MRPS6: variants seen among roughly 807,000 people sequenced by gnomAD.
The protein encoded by MRPS6 is small ribosomal subunit protein bS6m.
A neutral mutation model predicts 13.1 loss-of-function variants in MRPS6; 6 were observed. That is an observed-to-expected ratio of 0.46 (90% CI 0.25 to 0.91). The LOEUF (loss-of-function observed/expected upper bound fraction) is 0.91, where lower values mean the gene tolerates loss of function less well. Among genes scored for constraint, MRPS6 ranks in the 40% least tolerant of loss-of-function variants. MRPS6 has a pLI of 0.18. For synonymous variants in MRPS6, 61 were observed against 56.5 expected (o/e 1.08, Z -0.36); for missense variants, 164 against 155.6 (o/e 1.05, Z -0.29).
At position 34,142,971 on chromosome 21, in the gene MRPS6, T is replaced by G. The variant is rs368496956; in HGVS notation, c.*371T>G. On this transcript the variant is annotated 3_prime_UTR_variant, in exon 3 of 3. Transcript: ENST00000399312. ...TGTGTAACCATGTGGAAATAAAAAT[T>G]GACGACCAATGTATTATATGGACAA... 6.1e-6 allele frequency: 1 copy of G among 164,604 alleles called. No homozygotes were observed. The highest frequency in any genetic ancestry group is 1.3e-5 in the Non-Finnish European group (1 of 76,654). The allele number at this position is 164,604 out of a possible 1,614,324, so 10.2% of individuals were successfully genotyped here.
intron 1 of MRPS6, among the ~76,000 whole-genome samples, chr21:34,113,213 G>A (rs1278508331): frequency 6.6e-6 from 1 of 152,160 alleles, no homozygotes; most frequent in Non-Finnish European, 1.5e-5. Context: ...ATGACCATAT[G>A]ATCCAGCAGT....
intron 1 of MRPS6, chr21:34,101,817 T>A (rs1410286445): frequency 1.0e-6 from 1 of 998,802 alleles, no homozygotes; most frequent in Admixed American, 6.2e-5. Context: ...TCTCACACTT[T>A]GTGTTGGCTA....
chr21:34,086,402 C>A (rs548746783), intron 1 of MRPS6, among the ~76,000 whole-genome samples: 2 of 152,256 alleles, frequency 1.3e-5, no homozygotes, highest in South Asian at 4.1e-4. Context: ...TCCCTGTACT[C>A]ATAGCCTGGG....
chr21:34,130,548 T>C (rs910170741), intron 2 of MRPS6, among the ~76,000 whole-genome samples: 2 of 152,294 alleles, frequency 1.3e-5, no homozygotes, highest in Non-Finnish European at 2.9e-5. Flanking sequence ...GCCATTTCTC[T>C]GAGTGTTTTC....
At position 34,107,324 on chromosome 21, in the gene MRPS6, A is replaced by T. The variant is rs1234068111; in HGVS notation, c.46-18017A>T. Among the ~76,000 whole-genome samples, 37 of 152,128 alleles carry T rather than the reference A, an allele frequency of 2.4e-4. 1 individual carries two copies. Among genetic ancestry groups the T allele is most frequent in the Admixed American group, 2.4e-3 (37 of 15,268 alleles). The stretch of plus-strand genomic sequence containing the variant: ...TCTGTTCCCTCATGATTAGATTCAC[A>T]CTATGCATTTTTGGCAGAAATACAA... On this transcript the variant is annotated intron_variant, in intron 1 of 2. Coordinates refer to ENST00000399312, the MANE Select transcript of MRPS6 (RefSeq NM_032476.4).
At chr21:34,074,394 G>C (rs1989272112) in intron 1 of MRPS6, among the ~76,000 whole-genome samples, 1 of 152,226 alleles carries the variant, frequency 6.6e-6, no homozygotes, top group South Asian at 2.1e-4. Context: ...GGTGCCCTTA[G>C]CCCAGTTTCA....
chr21:34,104,240 A>C (rs1979375746), intron 1 of MRPS6: 1 of 1,000,064 alleles, frequency 1.0e-6, no homozygotes, highest in Non-Finnish European at 1.2e-6. Context: ...TTTGCTTTTC[A>C]CAATGGGGTG....
chr21:34,077,564 A>G (rs557772542), intron 1 of MRPS6, among the ~76,000 whole-genome samples: 1 of 152,340 alleles, frequency 6.6e-6, no homozygotes, highest in East Asian at 1.9e-4. Context: ...GTACAATAAG[A>G]TAGCATTTAT....
Position 34,101,901 on chromosome 21 carries a change from G to T in MRPS6, c.46-23440G>T, listed in dbSNP as rs1305874916. ...GGAGAGAGCAGTAGTGATCATTTAT[G>T]TGAGCCCCTTTGAAATGATGGTGTC... On this transcript the variant is annotated intron_variant, in intron 1 of 2. Transcript: ENST00000399312. 3.0e-6 allele frequency: 3 copies of T among 1,000,050 alleles called. No individual in the cohort carries two copies. The African/African-American group carries it at 5.2e-5, about 17-fold the overall frequency. The allele number at this position is 1,000,050 out of a possible 1,614,324, so 61.9% of individuals were successfully genotyped here.
intron 1 of MRPS6, among the ~76,000 whole-genome samples, chr21:34,118,368 T>C (rs1045838438): frequency 7.2e-5 from 11 of 152,154 alleles, no homozygotes; most frequent in Non-Finnish European, 1.3e-4. Context: ...GTTGTGACTC[T>C]TCAAAAATTT....
intron 1 of MRPS6, among the ~76,000 whole-genome samples, chr21:34,074,240 G>T (rs1989266673): frequency 6.6e-6 from 1 of 151,532 alleles, no homozygotes; most frequent in African/African-American, 2.4e-5. Context: ...CCCGCCGGCC[G>T]CCCGGAACGT....
intron 1 of MRPS6, among the ~76,000 whole-genome samples, chr21:34,081,687 G>A (rs1488499900): frequency 6.6e-6 from 1 of 152,128 alleles, no homozygotes; most frequent in East Asian, 1.9e-4. Flanking sequence ...ATTTGGGAGG[G>A]TATTTGAAGA....
At chr21:34,097,132 A>G (rs780532702) in intron 1 of MRPS6, 15 of 1,613,990 alleles carry the variant, frequency 9.3e-6, no homozygotes, top group Non-Finnish European at 1.3e-5. Context: ...AAAGAGAGAA[A>G]GAAAGAAACG....
intron 1 of MRPS6, chr21:34,106,195 G>A: frequency 1.0e-6 from 1 of 978,270 alleles, no homozygotes; most frequent in Non-Finnish European, 1.2e-6. Flanking sequence ...TGTAACTGAA[G>A]TATAGTAATT....
chr21:34,075,204 T>C (rs1320175321), intron 1 of MRPS6, among the ~76,000 whole-genome samples: 1 of 152,236 alleles, frequency 6.6e-6, no homozygotes, highest in Non-Finnish European at 1.5e-5. Context: ...AATTCGTTAC[T>C]GAAATTCCTT....
intron 1 of MRPS6, among the ~76,000 whole-genome samples, chr21:34,112,129 T>G (rs1979724316): frequency 6.6e-6 from 1 of 152,208 alleles, no homozygotes; most frequent in South Asian, 2.1e-4. Context: ...TTAAATTTTA[T>G]GACTCAGTAT....
chr21:34,091,355 TTTTA>T (rs1414654435), intron 1 of MRPS6, among the ~76,000 whole-genome samples: 1 of 152,196 alleles, frequency 6.6e-6, no homozygotes, highest in Non-Finnish European at 1.5e-5. Flanking sequence ...GCAGGTGGTT[TTTTA>T]TTTTATTATT....
At chr21:34,120,396 C>G (rs1372411838) in intron 1 of MRPS6, among the ~76,000 whole-genome samples, 1 of 152,310 alleles carries the variant, frequency 6.6e-6, no homozygotes, top group South Asian at 2.1e-4. Context: ...CAAAATACAG[C>G]TTGATTTCTC....
chr21:34,094,402 A>G (rs1014502662), intron 1 of MRPS6, among the ~76,000 whole-genome samples: 2 of 152,200 alleles, frequency 1.3e-5, no homozygotes, highest in African/African-American at 4.8e-5. Flanking sequence ...TGCCTGTTCC[A>G]TCCAGGACCC....
Sources: allele counts gnomAD v4.1 joint callset (sites outside exome capture counted in the v4.1 genomes callset), GRCh38; gene constraint gnomAD v4.1.1; transcripts MANE v1.5; gene names NCBI Gene and HGNC (gene_info 2026-07-23, HGNC 2026-07-21).